CNBD1: variants seen among roughly 807,000 people sequenced by gnomAD.
CNBD1 encodes the protein cyclic nucleotide-binding domain-containing protein 1.
In CNBD1, 71 loss-of-function variants were observed where a neutral mutation model predicts 54.4. That is an observed-to-expected ratio of 1.30 (90% CI 1.08 to 1.59). The LOEUF (loss-of-function observed/expected upper bound fraction) is 1.59. CNBD1 is among the 40% of genes most tolerant of loss of function. The pLI, the probability that CNBD1 is intolerant of heterozygous loss-of-function variation, is 0.00. For missense variants in CNBD1, 659 were observed against 518.0 expected, an observed-to-expected ratio of 1.27 and a Z score of -2.64; for synonymous variants, 182 against 170.7, an observed-to-expected ratio of 1.07 and a Z score of -0.51.
At chr8:87,420,449 C>A (rs1187733901) in intron 2 of CNBD1, among the ~76,000 whole-genome samples, 2 of 152,006 alleles carry the variant, frequency 1.3e-5, no homozygotes, top group Non-Finnish European at 2.9e-5. Flanking sequence ...GGTATTTCTG[C>A]ACCCTGTTTG....
At chr8:87,308,744 C>T (rs1489389594) in intron 8 of CNBD1, among the ~76,000 whole-genome samples, 1 of 152,054 alleles carries the variant, frequency 6.6e-6, no homozygotes, top group African/African-American at 2.4e-5. Flanking sequence ...TTCACCCTCT[C>T]CCCTGACCCT....
At position 87,403,085 on chromosome 8, in the gene CNBD1, A is replaced by C. The variant is rs185464257; in HGVS notation, c.214-25461A>C. 9.1e-4 allele frequency among the ~76,000 whole-genome samples: 138 copies of C among 152,010 alleles called. 2 individuals carry two copies. The highest frequency in any genetic ancestry group is 2.6e-4 in the Non-Finnish European group (18 of 67,964). On this transcript the variant is annotated intron_variant, in intron 2 of 7. Coordinates refer to the CNBD1 transcript ENST00000521593. ...AAATGGCTTTTCAGGTTTCCTCATA[A>C]AGATGCTTAAAATTGGTGGAATTAG...
At chr8:87,414,875 T>C (rs1807810928) in intron 2 of CNBD1, among the ~76,000 whole-genome samples, 1 of 152,056 alleles carries the variant, frequency 6.6e-6, no homozygotes, top group African/African-American at 2.4e-5. Context: ...GAATCCATCT[T>C]ATGATAAACA....
At chr8:87,320,093 G>A (rs1227047910) in intron 8 of CNBD1, among the ~76,000 whole-genome samples, 1 of 152,070 alleles carries the variant, frequency 6.6e-6, no homozygotes, top group Non-Finnish European at 1.5e-5. Context: ...TCTGCTGTTT[G>A]CATTGCATGA....
chr8:87,254,940 A>G (rs1321101820), intron 6 of CNBD1, among the ~76,000 whole-genome samples: 3 of 152,098 alleles, frequency 2.0e-5, no homozygotes, highest in Non-Finnish European at 4.4e-5. Flanking sequence ...TTTCCTGGTT[A>G]TATTTCAGTG....
Position 87,175,415 on chromosome 8 carries a change from T to C in CNBD1, c.432-30578T>C, listed in dbSNP as rs573861947. 6.6e-5 allele frequency among the ~76,000 whole-genome samples: 10 copies of C among 152,320 alleles called. No homozygotes were observed. The East Asian group carries it at 1.7e-3, about 26-fold the overall frequency. On this transcript the variant is annotated intron_variant, in intron 4 of 10. Transcript: ENST00000518476. ...CCCATGGTGTACTGCCTGGGTATTATTGCTGCAGTTATTCAGGACCCAAGC... is the reference window on the plus strand; with the variant it reads ...CCCATGGTGTACTGCCTGGGTATTACTGCTGCAGTTATTCAGGACCCAAGC...
At chr8:86,978,857 C>A in intron 4 of CNBD1, among the ~76,000 whole-genome samples, 1 of 152,024 alleles carries the variant, frequency 6.6e-6, no homozygotes, top group African/African-American at 2.4e-5. Context: ...ATTTTAATAA[C>A]TGATTATAAC....
intron 8 of CNBD1, among the ~76,000 whole-genome samples, chr8:87,302,852 A>C (rs1300998403): frequency 6.6e-6 from 1 of 152,122 alleles, no homozygotes; most frequent in Non-Finnish European, 1.5e-5. Flanking sequence ...ACAGACAAAC[A>C]GAGAGCCAAA....
At chr8:87,248,054 A>C (rs927977487) in intron 6 of CNBD1, among the ~76,000 whole-genome samples, 3 of 152,174 alleles carry the variant, frequency 2.0e-5, no homozygotes, top group African/African-American at 7.2e-5. Flanking sequence ...CAAAGACTTT[A>C]ATTGTTCTGC....
At chr8:87,360,987 C>A (rs1810514116) in intron 10 of CNBD1, among the ~76,000 whole-genome samples, 1 of 151,844 alleles carries the variant, frequency 6.6e-6, no homozygotes, top group Non-Finnish European at 1.5e-5. Flanking sequence ...CAGCATTTCA[C>A]CTTAATGATG....
At chr8:87,399,133 A>T (rs1200118336) in intron 2 of CNBD1, among the ~76,000 whole-genome samples, 4 of 152,100 alleles carry the variant, frequency 2.6e-5, no homozygotes, top group Non-Finnish European at 4.4e-5. Context: ...TCTTAATTTC[A>T]GTTACTCTAC....
chr8:87,285,048 G>C (rs1808666499), intron 7 of CNBD1, among the ~76,000 whole-genome samples: 1 of 151,950 alleles, frequency 6.6e-6, no homozygotes, highest in Non-Finnish European at 1.5e-5. Flanking sequence ...AATACCCTTT[G>C]GCTTTTCATT....
intron 4 of CNBD1, among the ~76,000 whole-genome samples, chr8:86,980,805 T>C (rs544694229): frequency 6.6e-6 from 1 of 152,354 alleles, no homozygotes; most frequent in African/African-American, 2.4e-5. Flanking sequence ...TTTACCATTT[T>C]AACAGATGGG....
chr8:87,166,976 A>C lies in CNBD1; in HGVS notation c.432-39017A>C, dbSNP rs955868832. 1.3e-5 allele frequency among the ~76,000 whole-genome samples: 2 copies of C among 152,016 alleles called. No individual in the cohort carries two copies. Among genetic ancestry groups the C allele is most frequent in the African/African-American group, 2.4e-5 (1 of 41,430 alleles). ...TTATTGCTGAAGCTTAACCAAAATG[A>C]ATGTAGATAGCAATGTGACCATATA... On this transcript the variant is annotated intron_variant, in intron 4 of 10. Coordinates refer to ENST00000518476, the MANE Select transcript of CNBD1 (RefSeq NM_173538.3). This position sits in a 1 kb window ranked among gnomAD's most constrained non-coding sequence, Gnocchi z 4.3.
At chr8:87,105,921 A>G (rs1269201100) in intron 4 of CNBD1, among the ~76,000 whole-genome samples, 3 of 152,078 alleles carry the variant, frequency 2.0e-5, no homozygotes, top group Admixed American at 1.3e-4. Context: ...TCTTTGCCAC[A>G]TAGTTACAGA....
In CNBD1 at chr8:87,317,908, CTCTG is replaced by C. The variant is rs1188656618; in HGVS notation, c.1042+31239_1042+31242del. ...GTGTATATACTTGATTTTTTTTCTT[CTCTG>C]TGTCTTATTTTAGGTGAATTTCTAT... is the stretch of plus-strand genomic sequence containing the variant. On this transcript the variant is annotated intron_variant, in intron 8 of 10. Transcript: ENST00000518476. Among the ~76,000 whole-genome samples, 6 of 151,416 alleles carry C rather than the reference CTCTG, an allele frequency of 4.0e-5. No individual in the cohort carries two copies. The East Asian group carries it at 1.2e-3, about 30-fold the overall frequency.
chr8:87,097,607 A>G (rs1370760220), intron 4 of CNBD1, among the ~76,000 whole-genome samples: 1 of 152,132 alleles, frequency 6.6e-6, no homozygotes, highest in Non-Finnish European at 1.5e-5. Context: ...CATTTTAACT[A>G]TGATTTTGAC....
intron 4 of CNBD1, among the ~76,000 whole-genome samples, chr8:87,063,645 GA>G (rs1810588664): frequency 6.6e-6 from 1 of 152,022 alleles, no homozygotes; most frequent in Non-Finnish European, 1.5e-5. Context: ...AGATGATTTT[GA>G]GGGGAATATT....
chr8:87,162,319 A>C (rs1273773481), intron 4 of CNBD1, among the ~76,000 whole-genome samples: 1 of 152,144 alleles, frequency 6.6e-6, no homozygotes, highest in Non-Finnish European at 1.5e-5. Context: ...TTAATTATTC[A>C]ATTTATTAAA....
Sources: gnomAD v4.1 joint callset for allele counts (sites outside exome capture counted in the v4.1 genomes callset) on GRCh38, gnomAD v4.1.1 for gene constraint, Gnocchi (gnomAD v3.1) non-coding constraint, MANE v1.5 for transcripts, NCBI Gene and HGNC (gene_info 2026-07-23, HGNC 2026-07-21) for gene names.